The following CCDC91 variants were observed in gnomAD, a reference collection of about 807,000 sequenced individuals.
CCDC91 encodes the protein coiled-coil domain-containing protein 91.
Under a neutral mutation model 63.2 loss-of-function variants are expected in CCDC91, and 48 were observed. That is an observed-to-expected ratio of 0.76 (90% CI 0.60 to 0.97). CCDC91 has a LOEUF of 0.97. CCDC91 is among the 50% of genes least tolerant of loss of function. The pLI, the probability that CCDC91 is intolerant of heterozygous loss-of-function variation, is 0.00. For missense variants in CCDC91, 500 were observed against 494.6 expected, an observed-to-expected ratio of 1.01 and a Z score of -0.10; for synonymous variants, 167 against 165.8, an observed-to-expected ratio of 1.01 and a Z score of -0.06.
rs1949464774 is a variant in CCDC91, at chr12:28,294,885, T to A, written c.110-10764T>A. Among the ~76,000 whole-genome samples the A allele has an allele frequency of 2.0e-5, 3 of 152,286 alleles. No individual in the cohort carries two copies. In the South Asian group the frequency reaches 6.2e-4, roughly 32 times the overall value. On this transcript the variant is annotated intron_variant, in intron 3 of 12. Coordinates refer to ENST00000536442, the MANE Select transcript of CCDC91 (RefSeq NM_018318.5). ...CAGGTTTGAGCTACTACGCTTGACC[T>A]AAACCTGCTTCTTTATACATTACTC...
chr12:28,473,711 C>G (rs1950937717), intron 11 of CCDC91, among the ~76,000 whole-genome samples: 1 of 152,068 alleles, frequency 6.6e-6, no homozygotes. Context: ...TCATGAAGAG[C>G]CAAGAAAACT....
intron 3 of CCDC91, among the ~76,000 whole-genome samples, chr12:28,295,047 G>A (rs1440744515): frequency 6.6e-6 from 1 of 152,150 alleles, no homozygotes; most frequent in Non-Finnish European, 1.5e-5. Flanking sequence ...CCTGTTCATT[G>A]TCTTTGAGTT....
intron 6 of CCDC91, among the ~76,000 whole-genome samples, chr12:28,361,639 C>A (rs988976139): frequency 2.6e-5 from 4 of 151,644 alleles, no homozygotes; most frequent in African/African-American, 9.7e-5. Context: ...CTGATTATGT[C>A]ATCTATTGAG....
At chr12:28,417,550 C>A (rs1947742218) in intron 8 of CCDC91, among the ~76,000 whole-genome samples, 1 of 151,170 alleles carries the variant, frequency 6.6e-6, no homozygotes, top group Non-Finnish European at 1.5e-5. Context: ...TATTTTTCCC[C>A]AGCTTTATTG....
intron 7 of CCDC91, among the ~76,000 whole-genome samples, chr12:28,388,204 T>C (rs997646220): frequency 1.3e-5 from 2 of 152,206 alleles, no homozygotes; most frequent in African/African-American, 4.8e-5. Context: ...TTCATGTCCT[T>C]AGCCTACTTT....
intron 3 of CCDC91, among the ~76,000 whole-genome samples, chr12:28,274,459 C>A (rs1565713979): frequency 6.6e-6 from 1 of 152,094 alleles, no homozygotes; most frequent in African/African-American, 2.4e-5. Flanking sequence ...GATATTGATT[C>A]TTCCTACTCA....
chr12:28,521,166 A>G (rs1208161768), intron 12 of CCDC91, among the ~76,000 whole-genome samples: 1 of 152,166 alleles, frequency 6.6e-6, no homozygotes, highest in Admixed American at 6.6e-5. Flanking sequence ...CTTGGGCAGT[A>G]TGGCCATTTT....
chr12:28,416,367 G>C (rs1437021037), intron 8 of CCDC91, among the ~76,000 whole-genome samples: 1 of 151,934 alleles, frequency 6.6e-6, no homozygotes, highest in Non-Finnish European at 1.5e-5. Flanking sequence ...ATATTGTATG[G>C]TGTGTACTGT....
intron 12 of CCDC91, among the ~76,000 whole-genome samples, chr12:28,498,987 C>T (rs1338161680): frequency 6.6e-6 from 1 of 151,538 alleles, no homozygotes; most frequent in East Asian, 1.9e-4. Context: ...TGAAATGTTG[C>T]TTAATGAAGG....
rs1565925691 is a variant in CCDC91 at position 28,407,957 on chromosome 12, TATATATA to T, written c.762+16547_762+16553del. Among the ~76,000 whole-genome samples the T allele has an allele frequency of 2.5e-4, 28 of 113,916 alleles. 1 individual carries two copies. The East Asian group carries it at 2.6e-3, about 10-fold the overall frequency. The allele number at this position is 113,916 out of a possible 152,430, so 74.7% of individuals were successfully genotyped here. ...CCATATACATAGATATATACATATA[TATATATA>T]TTTTTTTTATTTTTTATTTTACTTT... On this transcript the variant is annotated intron_variant, in intron 8 of 12. Coordinates refer to ENST00000536442, the MANE Select transcript of CCDC91 (RefSeq NM_018318.5).
intron 8 of CCDC91, among the ~76,000 whole-genome samples, chr12:28,393,203 G>C (rs1010880342): frequency 1.3e-5 from 2 of 151,858 alleles, no homozygotes; most frequent in Non-Finnish European, 2.9e-5. Context: ...TACCATTTCT[G>C]AACCTGCTTC....
chr12:28,417,790 T>TTC (rs1357284343), intron 8 of CCDC91, among the ~76,000 whole-genome samples: 1 of 152,116 alleles, frequency 6.6e-6, no homozygotes, highest in Non-Finnish European at 1.5e-5. Context: ...AATACTGGAT[T>TTC]AACTATGGTC....
chr12:28,534,776 AACT>A (rs1443397810), intron 12 of CCDC91, among the ~76,000 whole-genome samples: 1 of 152,156 alleles, frequency 6.6e-6, no homozygotes, highest in Non-Finnish European at 1.5e-5. Context: ...ATTTGAGAAA[AACT>A]ACTGCAGAGG....
intron 12 of CCDC91, among the ~76,000 whole-genome samples, chr12:28,532,752 A>T (rs1373289581): frequency 6.6e-6 from 1 of 152,088 alleles, no homozygotes; most frequent in Non-Finnish European, 1.5e-5. Context: ...ACTTAAATAT[A>T]TGTGAGGGTC....
At chr12:28,341,102 C>T (rs528582519) in intron 6 of CCDC91, among the ~76,000 whole-genome samples, 35 of 152,252 alleles carry the variant, frequency 2.3e-4, no homozygotes, top group African/African-American at 8.4e-4. Context: ...GCCTTGCTGA[C>T]GTCTGTCGGT....
intron 12 of CCDC91, among the ~76,000 whole-genome samples, chr12:28,492,220 T>C (rs1005463814): frequency 1.3e-5 from 2 of 151,766 alleles, no homozygotes; most frequent in African/African-American, 2.4e-5. Flanking sequence ...TAAATGTTTT[T>C]TTTTCATTCT....
chr12:28,329,511 C>T (rs1024516075), intron 6 of CCDC91, among the ~76,000 whole-genome samples: 2 of 151,788 alleles, frequency 1.3e-5, no homozygotes, highest in Non-Finnish European at 1.5e-5. Context: ...ACTTGAGACA[C>T]CTTTTTATTT....
chr12:28,359,752 A>G (rs1016887923), intron 6 of CCDC91, among the ~76,000 whole-genome samples: 16 of 149,716 alleles, frequency 1.1e-4, no homozygotes, highest in African/African-American at 4.1e-4. Context: ...ATGATCCACT[A>G]GGTTATAAAC....
chr12:28,331,479 C>T (rs1413882427), intron 6 of CCDC91, among the ~76,000 whole-genome samples: 1 of 152,134 alleles, frequency 6.6e-6, no homozygotes, highest in East Asian at 1.9e-4. Context: ...TTTGAAAAAT[C>T]ATTTTTAAAA....
Sources: gnomAD v4.1 joint callset for allele counts (sites outside exome capture counted in the v4.1 genomes callset) on GRCh38, gnomAD v4.1.1 for gene constraint, MANE v1.5 for transcripts, NCBI Gene and HGNC (gene_info 2026-07-23, HGNC 2026-07-21) for gene names.